NBAS: variants seen among roughly 807,000 people sequenced by gnomAD.
NBAS encodes the protein NBAS subunit of NRZ tethering complex, also known as NAG/BC035112 fusion.
Under a neutral mutation model 302.5 loss-of-function variants are expected in NBAS, and 219 were observed. The observed-to-expected ratio is 0.72, with a 90% CI of 0.65 to 0.81. The LOEUF is 0.81. Ranked by LOEUF, NBAS falls within the 30% of genes least tolerant of loss-of-function variation. NBAS has a pLI of 0.00. For synonymous variants in NBAS, 1,118 were observed against 1,021.6 expected (o/e 1.09, Z -1.80); for missense variants, 2,932 against 2,841.6 (o/e 1.03, Z -0.72).
the NBAS span, among the ~76,000 whole-genome samples, chr2:15,017,433 C>A: frequency 2.0e-5 from 3 of 151,776 alleles, no homozygotes; most frequent in Non-Finnish European, 4.4e-5. Context: ...AAGTTAATAT[C>A]CAGAATATAC....
chr2:15,350,572 A>G (rs990085280), intron 35 of NBAS, among the ~76,000 whole-genome samples: 1 of 152,178 alleles, frequency 6.6e-6, no homozygotes, highest in Admixed American at 6.5e-5. Context: ...TTCAGGGAGC[A>G]TACTCTTCCT....
the NBAS span, among the ~76,000 whole-genome samples, chr2:14,881,027 C>A: frequency 6.6e-6 from 1 of 151,874 alleles, no homozygotes; most frequent in Non-Finnish European, 1.5e-5. Flanking sequence ...AAAAAAAGTT[C>A]TTTAAGACTC....
chr2:14,862,659 C>T, the NBAS span, among the ~76,000 whole-genome samples: 2 of 152,120 alleles, frequency 1.3e-5, no homozygotes, highest in Non-Finnish European at 2.9e-5. Context: ...CATGTAAAAT[C>T]GCCTAGTACA....
At chr2:15,307,839 C>G (rs1671098341) in intron 40 of NBAS, among the ~76,000 whole-genome samples, 1 of 152,008 alleles carries the variant, frequency 6.6e-6, no homozygotes, top group Non-Finnish European at 1.5e-5. Context: ...CAGTATTGCT[C>G]AAAGAATTAT....
At chr2:15,274,121 A>T (rs1345112989) in intron 44 of NBAS, among the ~76,000 whole-genome samples, 2 of 152,172 alleles carry the variant, frequency 1.3e-5, no homozygotes, top group Non-Finnish European at 2.9e-5. Context: ...TAAAAACAAA[A>T]AACATGATTA....
rs142793351 is a variant in NBAS, at chr2:15,328,285, T to C, written c.4375A>G (p.Ile1459Val). 4.6e-5 allele frequency: 74 copies of C among 1,613,792 alleles called. No individual in the cohort carries two copies. The African/African-American group carries it at 8.3e-4, about 18-fold the overall frequency. ...QGQKCGGAYQIGTTANEDLEK... is the reference protein window; with the variant it reads ...QGQKCGGAYQVGTTANEDLEK... The stretch of plus-strand genomic sequence containing the variant: ...AGATCTTCATTGGCTGTAGTTCCGA[T>C]TTGATATGCACCACCACATTTTTGC... Residue 1459 changes from isoleucine to valine, a missense_variant, in exon 37 of 52, where the codon ATC (isoleucine) becomes GTC (valine). Transcript: ENST00000281513.
At chr2:15,061,665 G>A in the NBAS span, among the ~76,000 whole-genome samples, 1 of 152,252 alleles carries the variant, frequency 6.6e-6, no homozygotes, top group South Asian at 2.1e-4. Context: ...CAAACAGCTG[G>A]CTTCGCCCAG....
intron 35 of NBAS, 64 bp downstream of exon 35, chr2:15,351,928 A>T: frequency 1.7e-6 from 2 of 1,193,680 alleles, no homozygotes; most frequent in Non-Finnish European, 2.5e-6. Context: ...CCACAAGGTT[A>T]GGTAATCCCA....
Position 15,392,647 on chromosome 2 carries a change from T to A in NBAS, c.3257+1580A>T, listed in dbSNP as rs146586049. Among the ~76,000 whole-genome samples, 873 of 152,146 alleles carry A rather than the reference T, an allele frequency of 5.7e-3. 6 individuals carry two copies. The highest frequency in any genetic ancestry group is 0.02 in the African/African-American group (841 of 41,570). ...GAAGAACTAAGTAAACGGAAAGACATCAGTGTTCATGGATTGGAAGACTTA... is the reference window on the plus strand; with the variant it reads ...GAAGAACTAAGTAAACGGAAAGACAACAGTGTTCATGGATTGGAAGACTTA... On this transcript the variant is annotated intron_variant, in intron 28 of 51. Transcript: ENST00000281513.
At chr2:15,431,983 A>T (rs1426736381) in intron 21 of NBAS, among the ~76,000 whole-genome samples, 1 of 152,172 alleles carries the variant, frequency 6.6e-6, no homozygotes, top group Non-Finnish European at 1.5e-5. Flanking sequence ...CAGAATGATA[A>T]AATGTTTAAT....
At chr2:14,968,293 A>G in the NBAS span, among the ~76,000 whole-genome samples, 2 of 152,230 alleles carry the variant, frequency 1.3e-5, no homozygotes, top group African/African-American at 4.8e-5. Context: ...ACCCAATTTA[A>G]AAGTTGGCAA....
At chr2:15,340,508 T>C (rs529429887) in intron 35 of NBAS, among the ~76,000 whole-genome samples, 2 of 152,210 alleles carry the variant, frequency 1.3e-5, no homozygotes, top group South Asian at 4.2e-4. Flanking sequence ...TGAGATTGGG[T>C]TGTCTATAAG....
chr2:15,034,688 A>AT, the NBAS span, among the ~76,000 whole-genome samples: 1 of 152,064 alleles, frequency 6.6e-6, no homozygotes, highest in Non-Finnish European at 1.5e-5. Context: ...ACTCCCTAGT[A>AT]TTTTTTTCTT....
At chr2:15,220,028 G>A (rs1482211606) in intron 47 of NBAS, among the ~76,000 whole-genome samples, 1 of 141,476 alleles carries the variant, frequency 7.1e-6, no homozygotes, top group South Asian at 2.3e-4. Flanking sequence ...GCCAGGCGGG[G>A]GGCTGATCCC....
the NBAS span, among the ~76,000 whole-genome samples, chr2:15,124,992 G>T: frequency 1.3e-5 from 2 of 152,162 alleles, no homozygotes; most frequent in African/African-American, 4.8e-5. Context: ...GCCTAGTGGG[G>T]CTATGGGAAG....
intron 44 of NBAS, among the ~76,000 whole-genome samples, chr2:15,242,353 C>T (rs1195516112): frequency 1.3e-5 from 2 of 152,140 alleles, no homozygotes; most frequent in Non-Finnish European, 2.9e-5. Flanking sequence ...TAAATAAATG[C>T]AATCCTAAGT....
At position 15,410,607 on chromosome 2, in the gene NBAS, T is replaced by C. The variant is rs148578423; in HGVS notation, c.2937+4939A>G. On this transcript the variant is annotated intron_variant, in intron 25 of 51. Coordinates refer to ENST00000281513, the MANE Select transcript of NBAS (RefSeq NM_015909.4). ...AGACAACAAGTGCTCATTAAATTTC[T>C]AAGAAATATGAGGGAAAAAGATAAA... 2.1e-4 allele frequency among the ~76,000 whole-genome samples: 32 copies of C among 152,354 alleles called. 1 individual carries two copies. The East Asian group carries it at 5.8e-3, about 27-fold the overall frequency.
intron 22 of NBAS, among the ~76,000 whole-genome samples, chr2:15,425,039 C>T (rs898702958): frequency 6.6e-6 from 1 of 151,628 alleles, no homozygotes; most frequent in Admixed American, 6.6e-5. Flanking sequence ...TCCCTATCAA[C>T]TGTGAAAAAA....
At chr2:15,285,482 G>C (rs757876012) in intron 42 of NBAS, among the ~76,000 whole-genome samples, 4 of 151,978 alleles carry the variant, frequency 2.6e-5, no homozygotes, top group Non-Finnish European at 4.4e-5. Context: ...CTCATTCTCT[G>C]TTCTTTCCCC....
Sources: gnomAD v4.1 joint callset for allele counts (sites outside exome capture counted in the v4.1 genomes callset) on GRCh38, gnomAD v4.1.1 for gene constraint, MANE v1.5 for transcripts, NCBI Gene and HGNC (gene_info 2026-07-23, HGNC 2026-07-21) for gene names.